MAPK14: variants seen among roughly 807,000 people sequenced by gnomAD.
The protein encoded by MAPK14 is CSAID-binding protein.
In MAPK14, 16 loss-of-function variants were observed where a neutral mutation model predicts 49.6. The ratio of observed to expected loss-of-function variants is 0.32; its 90% confidence interval spans 0.22 to 0.49. MAPK14 has a LOEUF of 0.49. Ranked by LOEUF, MAPK14 falls within the 20% of genes least tolerant of loss-of-function variation. The pLI is 0.99. For missense variants in MAPK14, 200 were observed against 441.2 expected, an observed-to-expected ratio of 0.45 and a Z score of 4.90; for synonymous variants, 142 against 158.0, an observed-to-expected ratio of 0.90 and a Z score of 0.76.
At chr6:36,070,979 C>T (rs993426348) in intron 3 of MAPK14, among the ~76,000 whole-genome samples, 1 of 152,018 alleles carries the variant, frequency 6.6e-6, no homozygotes, top group Admixed American at 6.5e-5. Context: ...TATTATTACC[C>T]AATCTCAGGA....
At chr6:36,079,326 C>G (rs1391763639) in intron 8 of MAPK14, among the ~76,000 whole-genome samples, 1 of 152,068 alleles carries the variant, frequency 6.6e-6, no homozygotes, top group African/African-American at 2.4e-5. Context: ...ATGTATTGGC[C>G]TCATACCCTC....
At chr6:36,119,397 G>A in the MAPK14 span, among the ~76,000 whole-genome samples, 2 of 152,160 alleles carry the variant, frequency 1.3e-5, no homozygotes, top group Admixed American at 6.5e-5. Context: ...ACATAGCTGC[G>A]GTTCTAGGTA....
At chr6:36,101,846 G>A (rs2127472637) in intron 9 of MAPK14, among the ~76,000 whole-genome samples, 1 of 152,272 alleles carries the variant, frequency 6.6e-6, no homozygotes, top group Non-Finnish European at 1.5e-5. Flanking sequence ...GTGTGTATGT[G>A]TAAACATAAA....
At chr6:36,069,529 A>G (rs890392527) in intron 3 of MAPK14, among the ~76,000 whole-genome samples, 3 of 152,224 alleles carry the variant, frequency 2.0e-5, no homozygotes, top group Admixed American at 6.5e-5. Flanking sequence ...ATTGTAGCTT[A>G]GTAGTAATGC....
At chr6:36,082,223 T>C (rs1051792843) in intron 8 of MAPK14, among the ~76,000 whole-genome samples, 6 of 152,240 alleles carry the variant, frequency 3.9e-5, no homozygotes, top group South Asian at 4.1e-4. Context: ...TTCTTTCTCT[T>C]GTCTAATGTA....
At chr6:36,030,043 AT>A (rs1284355009) in intron 1 of MAPK14, among the ~76,000 whole-genome samples, 2 of 151,936 alleles carry the variant, frequency 1.3e-5, no homozygotes, top group African/African-American at 2.4e-5. Flanking sequence ...ATATACTTCC[AT>A]TTTTTCATTC....
At chr6:36,116,110 A>G (rs1766056432), downstream of MAPK14, among the ~76,000 whole-genome samples, 1 of 152,108 alleles carries the variant, frequency 6.6e-6, no homozygotes, top group South Asian at 2.1e-4. Flanking sequence ...CCCTGTCTAA[A>G]AAAAAATAAA....
At chr6:36,085,981 A>T (rs1006617394) in intron 8 of MAPK14, among the ~76,000 whole-genome samples, 4 of 152,222 alleles carry the variant, frequency 2.6e-5, no homozygotes, top group African/African-American at 9.6e-5. Context: ...GCACAATCAA[A>T]TTAGAACTAA....
chr6:36,105,802 C>T, intron 10 of MAPK14, among the ~76,000 whole-genome samples: 1 of 152,202 alleles, frequency 6.6e-6, no homozygotes, highest in Non-Finnish European at 1.5e-5. Flanking sequence ...CCCCCACACC[C>T]TCCACATTTA....
intron 9 of MAPK14, chr6:36,097,954 T>G (rs1466108299): frequency 1.3e-5 from 2 of 151,690 alleles, no homozygotes; most frequent in Non-Finnish European, 2.9e-5. Context: ...GGTGAGTGGA[T>G]AAAAGTAGTT....
chr6:36,066,083 C>T (rs1003735661), intron 3 of MAPK14, among the ~76,000 whole-genome samples: 3 of 151,836 alleles, frequency 2.0e-5, no homozygotes, highest in African/African-American at 7.3e-5. Context: ...TTTTCAGTAA[C>T]ATCTTGGAGG....
intron 1 of MAPK14, among the ~76,000 whole-genome samples, chr6:36,038,898 T>G (rs1762849537): frequency 6.6e-6 from 1 of 152,334 alleles, no homozygotes. Context: ...TTTCTTACTT[T>G]TGGATCATGT....
intron 2 of MAPK14, 122 bp from the exon 3 acceptor site, chr6:36,059,167 G>A: frequency 1.7e-6 from 1 of 593,618 alleles, no homozygotes. Context: ...TGGGATTACA[G>A]GCGTGAGCCA....
chr6:36,070,761 T>C (rs1764236762), intron 3 of MAPK14, among the ~76,000 whole-genome samples: 2 of 152,006 alleles, frequency 1.3e-5, no homozygotes, highest in East Asian at 3.9e-4. Context: ...GAGAAAAAAA[T>C]TCCATTCCTC....
At chr6:36,091,023 A>G (rs1460279036) in intron 8 of MAPK14, among the ~76,000 whole-genome samples, 2 of 152,220 alleles carry the variant, frequency 1.3e-5, no homozygotes, top group Non-Finnish European at 2.9e-5. Context: ...GTCACCAGGA[A>G]GATTTCCTAC....
intron 3 of MAPK14, among the ~76,000 whole-genome samples, 173 bp downstream of exon 3, chr6:36,059,520 C>T (rs550253301): frequency 1.3e-5 from 2 of 152,190 alleles, no homozygotes; most frequent in South Asian, 2.1e-4. Context: ...ATGGGTGGTG[C>T]GTGTTAGTAT....
the MAPK14 span, among the ~76,000 whole-genome samples, chr6:36,123,103 G>A: frequency 1.3e-5 from 2 of 152,058 alleles, no homozygotes; most frequent in African/African-American, 4.8e-5. Flanking sequence ...AGGAAGGGAG[G>A]GAGAGAGGGA....
At chr6:36,075,266 C>G (rs1764483142) in intron 6 of MAPK14, among the ~76,000 whole-genome samples, 1 of 150,414 alleles carries the variant, frequency 6.6e-6, no homozygotes. Flanking sequence ...TGTGTCCCTT[C>G]CTAGTCAATC....
intron 1 of MAPK14, among the ~76,000 whole-genome samples, chr6:36,042,602 C>T (rs772361615): frequency 2.0e-5 from 3 of 150,392 alleles, no homozygotes; most frequent in Non-Finnish European, 4.4e-5. Flanking sequence ...AGTGATCTTC[C>T]TACCTCAGCC....
Sources: gnomAD v4.1 joint callset for allele counts (sites outside exome capture counted in the v4.1 genomes callset) on GRCh38, gnomAD v4.1.1 for gene constraint, MANE v1.5 for transcripts, NCBI Gene and HGNC (gene_info 2026-07-23, HGNC 2026-07-21) for gene names.